The following PSMB7 variants were observed in gnomAD, a reference collection of about 807,000 sequenced individuals.
The protein encoded by PSMB7 is proteasome 20S subunit beta 7, also known as proteasome subunit beta type-7.
A neutral mutation model predicts 28.1 loss-of-function variants in PSMB7; 5 were observed. The ratio of observed to expected loss-of-function variants is 0.18; its 90% CI spans 0.09 to 0.37. The LOEUF is 0.37. PSMB7 is among the 10% of genes least tolerant of loss of function. The pLI, the probability that PSMB7 is intolerant of heterozygous loss-of-function variation, is 1.00. For synonymous variants in PSMB7, 122 were observed against 123.7 expected (o/e 0.99, Z 0.09); for missense variants, 275 against 346.2 (o/e 0.79, Z 1.63).
intron 6 of PSMB7, among the ~76,000 whole-genome samples, chr9:124,372,933 C>T (rs868449285): frequency 2.6e-5 from 4 of 152,098 alleles, no homozygotes; most frequent in African/African-American, 7.2e-5. Flanking sequence ...GGTGAAAGAC[C>T]GCATAAAATT....
chr9:124,383,422 A>G (rs999081728), intron 6 of PSMB7, among the ~76,000 whole-genome samples: 2 of 152,124 alleles, frequency 1.3e-5, no homozygotes, highest in African/African-American at 4.8e-5. Flanking sequence ...AGCTATCCCC[A>G]TGTACCGAGG....
At chr9:124,414,407 C>G (rs575514563) in intron 2 of PSMB7, among the ~76,000 whole-genome samples, 6 of 152,274 alleles carry the variant, frequency 3.9e-5, no homozygotes, top group African/African-American at 1.4e-4. Context: ...TCCCTTTTGA[C>G]GTTTCCAACA....
chr9:124,396,999 C>T (rs1176059239), intron 5 of PSMB7, among the ~76,000 whole-genome samples: 2 of 152,204 alleles, frequency 1.3e-5, no homozygotes, highest in African/African-American at 4.8e-5. Context: ...TCACCAGTAG[C>T]CTCTTCCAAA....
intron 4 of PSMB7, among the ~76,000 whole-genome samples, chr9:124,408,688 A>G (rs2131180117): frequency 6.6e-6 from 1 of 152,324 alleles, no homozygotes; most frequent in East Asian, 1.9e-4. Context: ...CAGGAACAAT[A>G]TTTGTAACAT....
At chr9:124,378,403 C>T (rs1270721873) in intron 6 of PSMB7, among the ~76,000 whole-genome samples, 1 of 152,104 alleles carries the variant, frequency 6.6e-6, no homozygotes, top group Non-Finnish European at 1.5e-5. Flanking sequence ...TTGTCTTTTC[C>T]AGCAGCATTC....
chr9:124,355,356 T>C (rs1205489975), intron 7 of PSMB7, among the ~76,000 whole-genome samples: 1 of 152,186 alleles, frequency 6.6e-6, no homozygotes, highest in Non-Finnish European at 1.5e-5. Context: ...AAGTAGGATG[T>C]GCCACTGCTG....
intron 5 of PSMB7, among the ~76,000 whole-genome samples, chr9:124,387,955 C>G (rs576563625): frequency 6.6e-6 from 1 of 152,122 alleles, no homozygotes; most frequent in African/African-American, 2.4e-5. Flanking sequence ...TTCAAGTTTC[C>G]TAGATACTGG....
At chr9:124,358,687 T>C (rs2131141116) in intron 6 of PSMB7, among the ~76,000 whole-genome samples, 1 of 152,348 alleles carries the variant, frequency 6.6e-6, no homozygotes, top group Non-Finnish European at 1.5e-5. Context: ...CTTCGGTGTG[T>C]GCGCACATGG....
chr9:124,357,890 G>A (rs1204324267), intron 6 of PSMB7, among the ~76,000 whole-genome samples: 1 of 152,158 alleles, frequency 6.6e-6, no homozygotes, highest in Admixed American at 6.5e-5. Context: ...AGAGCTTCAG[G>A]GAGGGCTGAA....
At chr9:124,363,476 C>T (rs572247979) in intron 6 of PSMB7, among the ~76,000 whole-genome samples, 2 of 152,332 alleles carry the variant, frequency 1.3e-5, no homozygotes, top group Admixed American at 1.3e-4. Context: ...ACATATTTTA[C>T]GGTAGAAAAC....
chr9:124,391,688 C>T (rs533822302), intron 5 of PSMB7, among the ~76,000 whole-genome samples: 1 of 151,670 alleles, frequency 6.6e-6, no homozygotes, highest in African/African-American at 2.4e-5. Flanking sequence ...TTTTCTAAAA[C>T]CTCTGAAGGT....
At chr9:124,388,291 G>A (rs1830746348) in intron 5 of PSMB7, among the ~76,000 whole-genome samples, 1 of 152,238 alleles carries the variant, frequency 6.6e-6, no homozygotes, top group Admixed American at 6.5e-5. Context: ...CCAGGACTGG[G>A]CCTCTGCTGT....
chr9:124,359,108 A>ATATTT (rs1830443990), intron 6 of PSMB7, among the ~76,000 whole-genome samples: 4 of 152,264 alleles, frequency 2.6e-5, no homozygotes, highest in African/African-American at 9.6e-5. Flanking sequence ...TTTTAAAATT[A>ATATTT]TATAGTTTGA....
At chr9:124,388,308 G>C (rs746005405) in intron 5 of PSMB7, among the ~76,000 whole-genome samples, 1 of 152,212 alleles carries the variant, frequency 6.6e-6, no homozygotes, top group African/African-American at 2.4e-5. Flanking sequence ...CTGTACACTC[G>C]AGTATGCCAG....
chr9:124,382,191 CTCT>C (rs1329913257), intron 6 of PSMB7, among the ~76,000 whole-genome samples: 35 of 121,888 alleles, frequency 2.9e-4, no homozygotes, highest in Non-Finnish European at 5.0e-4. Flanking sequence ...CTGTCTCTCT[CTCT>C]TTTCTCTTTT....
intron 6 of PSMB7, among the ~76,000 whole-genome samples, chr9:124,365,767 T>C (rs1260401919): frequency 1.3e-5 from 2 of 151,846 alleles, no homozygotes; most frequent in Non-Finnish European, 2.9e-5. Flanking sequence ...TAAAAGAAAT[T>C]AGCCAGGTGT....
At chr9:124,389,242 C>T (rs535343892) in intron 5 of PSMB7, among the ~76,000 whole-genome samples, 1 of 152,348 alleles carries the variant, frequency 6.6e-6, no homozygotes, top group East Asian at 1.9e-4. Flanking sequence ...GTCCAAACCA[C>T]TGTGATATCA....
At chr9:124,414,448 C>A (rs1232124343) in intron 2 of PSMB7, among the ~76,000 whole-genome samples, 7 of 152,100 alleles carry the variant, frequency 4.6e-5, no homozygotes, top group Non-Finnish European at 8.8e-5. Context: ...CCATTTGATG[C>A]ATCTGAAGGT....
chr9:124,404,361 G>C (rs1390203056), intron 5 of PSMB7, among the ~76,000 whole-genome samples: 1 of 152,150 alleles, frequency 6.6e-6, no homozygotes, highest in African/African-American at 2.4e-5. Context: ...TTCTCTCAAA[G>C]ATAGTATCTT....
Sources: allele counts gnomAD v4.1 joint callset (sites outside exome capture counted in the v4.1 genomes callset), GRCh38; gene constraint gnomAD v4.1.1; transcripts MANE v1.5; gene names NCBI Gene and HGNC (gene_info 2026-07-23, HGNC 2026-07-21).